FECH: variants seen among roughly 807,000 people sequenced by gnomAD.
FECH encodes ferrochelatase, also known as ferrochelatase, mitochondrial.
FECH carries 40 observed loss-of-function variants against 56.9 expected under a neutral mutation model. The observed-to-expected ratio is 0.70, with a 90% CI of 0.55 to 0.92. FECH has a LOEUF of 0.92. FECH is among the 40% of genes least tolerant of loss of function. The pLI is 0.00. For missense variants in FECH, 431 were observed against 529.1 expected (o/e 0.81, Z 1.82); for synonymous variants, 175 against 198.6 (o/e 0.88, Z 1.00).
chr18:57,554,984 T>A (rs763613263), intron 7 of FECH, 32 bp from the exon 8 acceptor site: 1 of 1,570,318 alleles, frequency 6.4e-7, no homozygotes, highest in South Asian at 1.1e-5. Context: ...TGTTCAGCCA[T>A]TAACACTGGG....
intron 1 of FECH, among the ~76,000 whole-genome samples, chr18:57,581,729 T>C (rs2051280919): frequency 6.6e-6 from 1 of 152,246 alleles, no homozygotes; most frequent in African/African-American, 2.4e-5. Context: ...AGTGAAGCGT[T>C]CTGCAGTGTC....
chr18:57,569,039 A>G (rs886332173), intron 4 of FECH, among the ~76,000 whole-genome samples: 3 of 152,202 alleles, frequency 2.0e-5, no homozygotes, highest in African/African-American at 7.2e-5. Flanking sequence ...GGAAGCCAAC[A>G]CCATCAGAGA....
At chr18:57,577,598 G>C (rs1347629967) in intron 2 of FECH, among the ~76,000 whole-genome samples, 2 of 152,058 alleles carry the variant, frequency 1.3e-5, no homozygotes, top group African/African-American at 4.8e-5. Flanking sequence ...CCAGAATGTT[G>C]GTCAAGGTAG....
Position 57,546,154 on chromosome 18 carries a change from C to T in FECH, c.*4558G>A, listed in dbSNP as rs2050717094. Among the ~76,000 whole-genome samples the T allele has an allele frequency of 6.6e-6, 1 of 152,188 alleles. No homozygotes were observed. The highest frequency in any genetic ancestry group is 2.4e-5 in the African/African-American group (1 of 41,434). On this transcript the variant is annotated 3_prime_UTR_variant, in exon 11 of 11. Coordinates refer to ENST00000262093, the MANE Select transcript of FECH (RefSeq NM_000140.5). ...TCCACCTAACGTTAGGAGCCCTGTT[C>T]CTGGGCCACCTTCAGGATTCTGGCA...
intron 2 of FECH, among the ~76,000 whole-genome samples, chr18:57,576,794 A>T (rs1055993402): frequency 8.5e-5 from 13 of 152,240 alleles, no homozygotes; most frequent in Admixed American, 6.5e-5. Context: ...ATAGCGCATT[A>T]GTAAGCCCCA....
intron 2 of FECH, among the ~76,000 whole-genome samples, chr18:57,576,590 G>A (rs1449925500): frequency 6.6e-6 from 1 of 152,200 alleles, no homozygotes; most frequent in Non-Finnish European, 1.5e-5. Flanking sequence ...GTATCAGTGT[G>A]CAAACGGGAT....
chr18:57,586,115 C>T, intron 1 of FECH: 1 of 180,880 alleles, frequency 5.5e-6, no homozygotes, highest in East Asian at 1.8e-4. Context: ...GGACCAAGGA[C>T]CATGGGCTTT....
chr18:57,573,164 T>A (rs2051138407), intron 3 of FECH, 82 bp downstream of exon 3: 2 of 1,364,232 alleles, frequency 1.5e-6, no homozygotes, highest in Non-Finnish European at 2.1e-6. Context: ...TAAAACTATT[T>A]ACTGGTTTGA....
In FECH at chr18:57,559,281, G is replaced by C. The variant is rs771397783; in HGVS notation, c.706-38C>G. On this transcript the variant is annotated intron_variant, in intron 6 of 10. Coordinates refer to ENST00000262093, the MANE Select transcript of FECH (RefSeq NM_000140.5). ...CAAGAAAGGAGGATAAAGAGGAAGG[G>C]AAGAAAGAAATGGAAGGAAAAAGAA... is the stretch of plus-strand genomic sequence containing the variant. The C allele has an allele frequency of 8.7e-6, 12 of 1,374,822 alleles. No homozygotes were observed. The African/African-American group carries it at 1.7e-4, about 20-fold the overall frequency. The allele number at this position is 1,374,822 out of a possible 1,614,324, so 85.2% of individuals were successfully genotyped here. A position where few individuals can be genotyped will look rare whatever the true frequency, so the allele number is the denominator to read the frequency against.
intron 1 of FECH, among the ~76,000 whole-genome samples, chr18:57,585,227 T>C (rs994201913): frequency 1.3e-5 from 2 of 152,218 alleles, no homozygotes; most frequent in Admixed American, 6.5e-5. Flanking sequence ...CCTCAGTGTT[T>C]TCTCACACAG....
chr18:57,580,457 C>T (rs542016654), intron 1 of FECH, among the ~76,000 whole-genome samples: 1 of 152,132 alleles, frequency 6.6e-6, no homozygotes, highest in Non-Finnish European at 1.5e-5. Context: ...CCTCTCCCCA[C>T]CTCGGCTGCA....
rs2050742825 is a variant in FECH, at chr18:57,548,109, C to G, written c.*2603G>C. 6.6e-6 allele frequency among the ~76,000 whole-genome samples: 1 copy of G among 151,660 alleles called. No homozygotes were observed. Among genetic ancestry groups the G allele is most frequent in the Admixed American group, 6.6e-5 (1 of 15,224 alleles). ...CTACAAAAAATATAAAAAAGTAGCC[C>G]AGCGTGGTGAAGCACTCCTGTAGTC... On this transcript the variant is annotated 3_prime_UTR_variant, in exon 11 of 11. Transcript: ENST00000262093.
At chr18:57,554,135 T>C (rs2050835300) in intron 9 of FECH, 125 bp downstream of exon 9, 1 of 972,622 alleles carries the variant, frequency 1.0e-6, no homozygotes, top group African/African-American at 1.6e-5. Context: ...TTCAGGAGAA[T>C]GAGGACACCG....
At chr18:57,579,140 C>T (rs576327805) in intron 2 of FECH, among the ~76,000 whole-genome samples, 14 of 148,250 alleles carry the variant, frequency 9.4e-5, no homozygotes, top group African/African-American at 2.7e-4. Context: ...CCCAGCTACT[C>T]GGGAGGCTGA....
chr18:57,556,865 T>C (rs974305125), intron 7 of FECH, among the ~76,000 whole-genome samples: 1 of 136,134 alleles, frequency 7.3e-6, no homozygotes, highest in Non-Finnish European at 1.5e-5. Context: ...GAGTCGTGAC[T>C]GCACCACAGC....
At position 57,580,135 on chromosome 18, in the gene FECH, G is replaced by A. The variant is rs147500247; in HGVS notation, c.132C>T (p.Ala44=). 161 of 1,614,128 alleles carry A rather than the reference G, an allele frequency of 1.0e-4. 2 individuals are homozygous for A. The Middle Eastern group carries it at 1.5e-3, about 15-fold the overall frequency. Residue 44 remains alanine, a synonymous_variant, in exon 2 of 11, where the codon GCC becomes GCT. Transcript: ENST00000262093. ...WRWKSGAAAA[A]VTTETAQHAQ... ...CATGCTGGGCTGTTTCTGTGGTGACGGCCGCTGCAGCTGCACCTGACTTCC... is the reference window on the plus strand; with the variant it reads ...CATGCTGGGCTGTTTCTGTGGTGACAGCCGCTGCAGCTGCACCTGACTTCC...
chr18:57,563,414 TC>T (rs1182676834), intron 5 of FECH, among the ~76,000 whole-genome samples: 2 of 151,650 alleles, frequency 1.3e-5, no homozygotes, highest in Non-Finnish European at 2.9e-5. Flanking sequence ...AAACCCTATC[TC>T]TACTAAAAAA....
chr18:57,577,274 A>T (rs2051197695), intron 2 of FECH, among the ~76,000 whole-genome samples: 1 of 152,182 alleles, frequency 6.6e-6, no homozygotes, highest in Non-Finnish European at 1.5e-5. Flanking sequence ...TTGTAAATAA[A>T]GTTTTACTGG....
At chr18:57,568,609 G>A (rs2051049954) in intron 4 of FECH, among the ~76,000 whole-genome samples, 1 of 152,120 alleles carries the variant, frequency 6.6e-6, no homozygotes, top group African/African-American at 2.4e-5. Context: ...CACATCTCGT[G>A]GGCAGATCTG....
Sources: gnomAD v4.1 joint callset for allele counts (sites outside exome capture counted in the v4.1 genomes callset) on GRCh38, gnomAD v4.1.1 for gene constraint, MANE v1.5 for transcripts, NCBI Gene and HGNC (gene_info 2026-07-23, HGNC 2026-07-21) for gene names.